The following SV2C variants were observed in gnomAD, a reference collection of about 807,000 sequenced individuals.
SV2C encodes the protein solute carrier family 22 member B3.
SV2C carries 49 observed loss-of-function variants against 79.7 expected under a neutral mutation model. The observed-to-expected ratio is 0.61, with a 90% CI of 0.49 to 0.78. SV2C has a LOEUF of 0.78. Ranked by LOEUF, SV2C falls within the 30% of genes least tolerant of loss-of-function variation. The pLI is 0.00. For missense variants in SV2C, 833 were observed against 912.9 expected (o/e 0.91, Z 1.13); for synonymous variants, 334 against 333.2 (o/e 1.00, Z -0.03).
chr5:75,849,527 T>C, the SV2C span, among the ~76,000 whole-genome samples: 9 of 152,314 alleles, frequency 5.9e-5, no homozygotes, highest in South Asian at 1.7e-3. Flanking sequence ...GTGTGTATGT[T>C]AGTGTGTATT....
chr5:76,302,528 G>T (rs1308842544), intron 12 of SV2C, among the ~76,000 whole-genome samples: 1 of 150,798 alleles, frequency 6.6e-6, no homozygotes, highest in Non-Finnish European at 1.5e-5. Context: ...TACTCAGGAG[G>T]CTAAGGCACG....
At chr5:76,322,203 A>T (rs181462935) in intron 12 of SV2C, among the ~76,000 whole-genome samples, 2 of 152,340 alleles carry the variant, frequency 1.3e-5, no homozygotes, top group East Asian at 3.8e-4. Flanking sequence ...AGGATACAAA[A>T]TCAACGTGCA....
rs750107812 is a variant in SV2C, at chr5:76,195,118, T to C, written c.761+19T>C. On this transcript the variant is annotated intron_variant, in intron 3 of 12. Coordinates refer to ENST00000502798, the MANE Select transcript of SV2C (RefSeq NM_014979.4). ...GATTCGGGTAAGGTTTTCTCCTTCA[T>C]ATTTTATAGTAATGTGTTTATTCTT... 4 of 1,607,998 alleles carry C rather than the reference T, an allele frequency of 2.5e-6. No individual in the cohort carries two copies. Among genetic ancestry groups the C allele is most frequent in the Non-Finnish European group, 2.5e-6 (3 of 1,177,740 alleles).
chr5:75,997,087 T>C, the SV2C span, among the ~76,000 whole-genome samples: 1 of 150,540 alleles, frequency 6.6e-6, no homozygotes, highest in Non-Finnish European at 1.5e-5. Flanking sequence ...ATGCTTCCAG[T>C]TTTTGCCCAT....
At chr5:76,054,934 C>G in the SV2C span, among the ~76,000 whole-genome samples, 1 of 152,110 alleles carries the variant, frequency 6.6e-6, no homozygotes, top group Non-Finnish European at 1.5e-5. Context: ...AAACTTTTCA[C>G]CCATTCTGTA....
At chr5:75,861,598 TA>T in the SV2C span, among the ~76,000 whole-genome samples, 7 of 151,454 alleles carry the variant, frequency 4.6e-5, no homozygotes, top group Admixed American at 1.3e-4. Flanking sequence ...GTGGACTGGA[TA>T]AAAAAAACAT....
intron 4 of SV2C, among the ~76,000 whole-genome samples, chr5:76,234,716 T>G (rs1269067408): frequency 3.3e-5 from 5 of 152,224 alleles, no homozygotes; most frequent in African/African-American, 1.2e-4. Context: ...AGGTTATTGA[T>G]TTGCTCATTT....
At chr5:76,039,997 T>C in the SV2C span, among the ~76,000 whole-genome samples, 2 of 152,166 alleles carry the variant, frequency 1.3e-5, no homozygotes, top group Non-Finnish European at 2.9e-5. Flanking sequence ...GTAATAGTAA[T>C]GGCATCTTTT....
chr5:75,877,526 CTT>C, the SV2C span, among the ~76,000 whole-genome samples: 1 of 150,172 alleles, frequency 6.7e-6, no homozygotes. Flanking sequence ...TTTTTAAAAA[CTT>C]AGTAAATTTA....
intron 2 of SV2C, among the ~76,000 whole-genome samples, chr5:76,140,398 G>T (rs1240037238): frequency 6.6e-6 from 1 of 152,122 alleles, no homozygotes; most frequent in South Asian, 2.1e-4. Context: ...GATATGACCT[G>T]AAACCCTTAT....
At chr5:76,140,059 T>C (rs1040554904) in intron 2 of SV2C, among the ~76,000 whole-genome samples, 1 of 152,162 alleles carries the variant, frequency 6.6e-6, no homozygotes, top group Non-Finnish European at 1.5e-5. Flanking sequence ...GGAGTAGTTG[T>C]TTTTGTTTTA....
the SV2C span, among the ~76,000 whole-genome samples, chr5:75,886,997 C>T: frequency 6.6e-6 from 1 of 152,092 alleles, no homozygotes; most frequent in Non-Finnish European, 1.5e-5. Context: ...CATTGCAGTT[C>T]CTTCTTAGTG....
rs1749240752 is a variant in SV2C, at chr5:76,333,457, C to G, written c.*7910C>G. 6.6e-6 allele frequency: 1 copy of G among 152,180 alleles called. No individual in the cohort carries two copies. Among genetic ancestry groups the G allele is most frequent in the East Asian group, 1.9e-4 (1 of 5,196 alleles). The allele number at this position is 152,180 out of a possible 1,614,324, so 9.4% of individuals were successfully genotyped here. A position where few individuals can be genotyped will look rare whatever the true frequency, so the allele number is the denominator to read the frequency against. ...ATATGCTAAACGTACTATCCACTGTCTATTTTAATGAGATCTTGGCAATGG... is the reference window on the plus strand; with the variant it reads ...ATATGCTAAACGTACTATCCACTGTGTATTTTAATGAGATCTTGGCAATGG... On this transcript the variant is annotated 3_prime_UTR_variant, in exon 13 of 13. Transcript: ENST00000502798.
intron 11 of SV2C, 82 bp from the exon 12 acceptor site, chr5:76,301,304 T>G: frequency 1.3e-5 from 20 of 1,551,662 alleles, no homozygotes; most frequent in Non-Finnish European, 1.7e-5. Flanking sequence ...TCAGTTTTCT[T>G]GAGCAATCCC....
At chr5:75,985,276 T>A in the SV2C span, among the ~76,000 whole-genome samples, 6 of 151,924 alleles carry the variant, frequency 3.9e-5, no homozygotes, top group Admixed American at 2.6e-4. Flanking sequence ...AGGGAGGGCA[T>A]TAATCTATTC....
At chr5:76,074,441 G>C in the SV2C span, among the ~76,000 whole-genome samples, 7 of 152,134 alleles carry the variant, frequency 4.6e-5, no homozygotes, top group African/African-American at 1.7e-4. Flanking sequence ...TCCTAGATGT[G>C]CAGATAATAT....
intron 4 of SV2C, among the ~76,000 whole-genome samples, chr5:76,227,884 T>C (rs762208825): frequency 6.6e-6 from 1 of 152,188 alleles, no homozygotes; most frequent in Non-Finnish European, 1.5e-5. Context: ...GAGGCATTCA[T>C]CTTGTCCCAT....
chr5:76,005,588 C>T, the SV2C span, among the ~76,000 whole-genome samples: 2 of 152,228 alleles, frequency 1.3e-5, no homozygotes, highest in African/African-American at 4.8e-5. Context: ...ATGACTGGTT[C>T]AGGAATGGAT....
chr5:76,088,261 A>G (rs1747262016), intron 1 of SV2C, among the ~76,000 whole-genome samples: 1 of 152,378 alleles, frequency 6.6e-6, no homozygotes, highest in East Asian at 1.9e-4. Context: ...TAAGATGCTC[A>G]GTTAAATTTG....
Sources: allele counts gnomAD v4.1 joint callset (sites outside exome capture counted in the v4.1 genomes callset), GRCh38; gene constraint gnomAD v4.1.1; transcripts MANE v1.5; gene names NCBI Gene and HGNC (gene_info 2026-07-23, HGNC 2026-07-21).